The following MIPOL1 variants were observed in gnomAD, a reference collection of about 807,000 sequenced individuals.
The protein encoded by MIPOL1 is mirror-image polydactyly gene 1 protein.
MIPOL1 carries 57 observed loss-of-function variants against 60.9 expected under a neutral mutation model. The observed-to-expected ratio is 0.94, with a 90% CI of 0.76 to 1.17. MIPOL1 has a LOEUF of 1.17. Ranked by LOEUF, MIPOL1 falls within the 50% of genes most tolerant of loss-of-function variation. MIPOL1 has a pLI of 0.00. For synonymous variants in MIPOL1, 179 were observed against 168.8 expected, an observed-to-expected ratio of 1.06 and a Z score of -0.47; for missense variants, 551 against 511.6, an observed-to-expected ratio of 1.08 and a Z score of -0.74.
At chr14:37,239,964 T>C (rs560063917) in intron 1 of MIPOL1, among the ~76,000 whole-genome samples, 5 of 152,330 alleles carry the variant, frequency 3.3e-5, no homozygotes, top group African/African-American at 1.2e-4. Flanking sequence ...CATGCAGCAC[T>C]GTCCTTTGGG....
chr14:37,298,146 G>A lies in MIPOL1; in HGVS notation c.624-9910G>A, dbSNP rs376298673. Among the ~76,000 whole-genome samples, 1,457 of 152,100 alleles carry A rather than the reference G, an allele frequency of 9.6e-3. 28 individuals are homozygous for A. The highest frequency in any genetic ancestry group is 0.033 in the African/African-American group (1,368 of 41,496). ...AAATAGAGCCCTCAGAAATAATGCC[G>A]CATATCTACAACTATCTGATCTTTG... On this transcript the variant is annotated intron_variant, in intron 7 of 12. Transcript: ENST00000684589.
intron 1 of MIPOL1, among the ~76,000 whole-genome samples, chr14:37,214,275 A>G (rs1967205046): frequency 6.6e-6 from 1 of 152,224 alleles, no homozygotes; most frequent in South Asian, 2.1e-4. Context: ...GCAACTTTTC[A>G]AGACATAGTA....
chr14:37,481,780 G>A (rs768237816), intron 11 of MIPOL1, among the ~76,000 whole-genome samples: 20 of 151,900 alleles, frequency 1.3e-4, no homozygotes, highest in Non-Finnish European at 2.1e-4. Context: ...AGAAATGAAC[G>A]CTCATATATA....
intron 10 of MIPOL1, among the ~76,000 whole-genome samples, chr14:37,403,062 A>G (rs940754618): frequency 2.0e-5 from 3 of 152,222 alleles, no homozygotes; most frequent in African/African-American, 7.2e-5. Flanking sequence ...GCGAAGGGAA[A>G]GGAGGGCTTC....
At chr14:37,347,854 C>G (rs1189029911) in intron 9 of MIPOL1, among the ~76,000 whole-genome samples, 2 of 152,124 alleles carry the variant, frequency 1.3e-5, no homozygotes, top group Non-Finnish European at 2.9e-5. Context: ...ACAAAAGAAT[C>G]GCATTTTCAA....
intron 1 of MIPOL1, among the ~76,000 whole-genome samples, chr14:37,242,532 A>G (rs1972517033): frequency 6.6e-6 from 1 of 152,162 alleles, no homozygotes; most frequent in Non-Finnish European, 1.5e-5. Flanking sequence ...TCTTGCATTT[A>G]TGATATAAAC....
intron 1 of MIPOL1, among the ~76,000 whole-genome samples, chr14:37,219,022 G>A (rs1307800457): frequency 6.6e-6 from 1 of 152,246 alleles, no homozygotes; most frequent in African/African-American, 2.4e-5. Context: ...AATGCAATAG[G>A]GGAAAAGAAA....
At chr14:37,249,512 C>A (rs963487399) in intron 3 of MIPOL1, among the ~76,000 whole-genome samples, 1 of 152,118 alleles carries the variant, frequency 6.6e-6, no homozygotes, top group Non-Finnish European at 1.5e-5. Flanking sequence ...TTAGTAATTT[C>A]TCTTTTTATT....
chr14:37,374,005 G>A (rs1332726491), intron 10 of MIPOL1, among the ~76,000 whole-genome samples: 1 of 152,148 alleles, frequency 6.6e-6, no homozygotes, highest in Non-Finnish European at 1.5e-5. Context: ...CACCAACAGT[G>A]TAAAAACGTT....
intron 6 of MIPOL1, among the ~76,000 whole-genome samples, chr14:37,272,566 A>G (rs2083374503): frequency 6.6e-6 from 1 of 151,606 alleles, no homozygotes; most frequent in Admixed American, 6.6e-5. Context: ...AATAGGAGGT[A>G]CAGTCAAAAA....
At chr14:37,539,554 A>G (rs2095521416) in intron 12 of MIPOL1, among the ~76,000 whole-genome samples, 1 of 152,198 alleles carries the variant, frequency 6.6e-6, no homozygotes, top group African/African-American at 2.4e-5. Context: ...AAAACACTAG[A>G]CATGCCGAGA....
chr14:37,504,594 C>T, intron 12 of MIPOL1: 1 of 152,112 alleles, frequency 6.6e-6, no homozygotes, highest in South Asian at 2.1e-4. Flanking sequence ...ATCTCTGGGA[C>T]ACAATTAAAG....
chr14:37,479,431 C>G (rs1462401381), intron 11 of MIPOL1, among the ~76,000 whole-genome samples: 1 of 152,076 alleles, frequency 6.6e-6, no homozygotes, highest in Non-Finnish European at 1.5e-5. Context: ...AATTAACATG[C>G]TCCTGAACAA....
intron 1 of MIPOL1, among the ~76,000 whole-genome samples, chr14:37,203,605 G>A (rs1421541508): frequency 6.6e-6 from 1 of 152,080 alleles, no homozygotes; most frequent in African/African-American, 2.4e-5. Context: ...TCACTTCTCA[G>A]ATTAGATTAC....
intron 9 of MIPOL1, among the ~76,000 whole-genome samples, chr14:37,319,157 T>C (rs1466010796): frequency 6.6e-6 from 1 of 152,140 alleles, no homozygotes; most frequent in Non-Finnish European, 1.5e-5. Context: ...TTTGATAATG[T>C]GGACATGTTA....
intron 9 of MIPOL1, among the ~76,000 whole-genome samples, chr14:37,313,255 A>G (rs1326862976): frequency 6.6e-6 from 1 of 152,212 alleles, no homozygotes; most frequent in East Asian, 1.9e-4. Context: ...ACAGAAAATT[A>G]TTGAACTAGC....
chr14:37,541,406 G>A (rs1198682790), intron 12 of MIPOL1, among the ~76,000 whole-genome samples: 4 of 152,110 alleles, frequency 2.6e-5, no homozygotes, highest in Admixed American at 6.5e-5. Context: ...TGCCCTGTAA[G>A]TCATAAACTC....
intron 9 of MIPOL1, among the ~76,000 whole-genome samples, chr14:37,324,765 T>C (rs1349848678): frequency 6.6e-6 from 1 of 152,056 alleles, no homozygotes; most frequent in Non-Finnish European, 1.5e-5. Flanking sequence ...TTTAAACAGG[T>C]GAATATCCAG....
At position 37,528,292 on chromosome 14, in the gene MIPOL1, T is replaced by C. The variant is rs1431680637; in HGVS notation, c.1263-18613T>C. On this transcript the variant is annotated intron_variant, in intron 12 of 12. Transcript: ENST00000684589. ...GTTATTATATATAATCTTTTACATA[T>C]GAAGAATAAACAATTTAAATGGCTT... 2.6e-5 allele frequency among the ~76,000 whole-genome samples: 4 copies of C among 152,022 alleles called. No individual in the cohort carries two copies. In the South Asian group the frequency reaches 6.2e-4, roughly 24 times the overall value.
Sources: allele counts gnomAD v4.1 joint callset (sites outside exome capture counted in the v4.1 genomes callset), GRCh38; gene constraint gnomAD v4.1.1; transcripts MANE v1.5; gene names NCBI Gene and HGNC (gene_info 2026-07-23, HGNC 2026-07-21).